The following OSBPL1A variants were observed in gnomAD, a reference collection of about 807,000 sequenced individuals.
The protein encoded by OSBPL1A is oxysterol binding protein like 1A, also known as oxysterol-binding protein-related protein 1.
In OSBPL1A, 80 loss-of-function variants were observed where a neutral mutation model predicts 137.1. That is an observed-to-expected ratio of 0.58 (90% CI 0.49 to 0.70). The LOEUF (loss-of-function observed/expected upper bound fraction) is 0.70, where lower values mean the gene tolerates loss of function less well. Among genes scored for constraint, OSBPL1A ranks in the 30% least tolerant of loss-of-function variants. The pLI is 0.00. For synonymous variants in OSBPL1A, 365 were observed against 389.7 expected, an observed-to-expected ratio of 0.94 and a Z score of 0.75; for missense variants, 970 against 1,129.4, an observed-to-expected ratio of 0.86 and a Z score of 2.02.
At chr18:24,217,550 C>A (rs2087746973) in intron 17 of OSBPL1A, among the ~76,000 whole-genome samples, 1 of 152,116 alleles carries the variant, frequency 6.6e-6, no homozygotes, top group African/African-American at 2.4e-5. Flanking sequence ...AACCTCTGCA[C>A]CCTGTCAGAA....
intron 14 of OSBPL1A, among the ~76,000 whole-genome samples, chr18:24,286,257 T>C (rs1482675756): frequency 6.6e-6 from 1 of 152,214 alleles, no homozygotes; most frequent in African/African-American, 2.4e-5. Context: ...AAAAAATGTT[T>C]GCACATAAAA....
intron 7 of OSBPL1A, among the ~76,000 whole-genome samples, chr18:24,326,246 C>A (rs2090977362): frequency 6.6e-6 from 1 of 152,190 alleles, no homozygotes; most frequent in South Asian, 2.1e-4. Flanking sequence ...GTTGATGCTT[C>A]ATAAAAGTGG....
At chr18:24,319,300 T>C (rs1482488753) in intron 7 of OSBPL1A, among the ~76,000 whole-genome samples, 1 of 152,176 alleles carries the variant, frequency 6.6e-6, no homozygotes, top group Non-Finnish European at 1.5e-5. Context: ...TCTCTCTCTA[T>C]AGCCCTCCCT....
At chr18:24,344,876 C>T (rs2091320348) in intron 4 of OSBPL1A, among the ~76,000 whole-genome samples, 3 of 152,120 alleles carry the variant, frequency 2.0e-5, no homozygotes, top group African/African-American at 7.2e-5. Flanking sequence ...TGCAGTGGCA[C>T]TACCTCGGCT....
intron 15 of OSBPL1A, among the ~76,000 whole-genome samples, chr18:24,242,570 C>CCA (rs763900050): frequency 2.4e-4 from 36 of 152,096 alleles, no homozygotes; most frequent in Non-Finnish European, 4.6e-4. Context: ...TGAGTTCCTG[C>CCA]CAGCTGCACA....
intron 18 of OSBPL1A, among the ~76,000 whole-genome samples, chr18:24,189,217 G>A (rs1261556558): frequency 1.3e-5 from 2 of 152,208 alleles, no homozygotes; most frequent in African/African-American, 4.8e-5. Flanking sequence ...GAGCACTAGA[G>A]AAACCTGAGA....
chr18:24,291,042 A>G (rs1599623021), intron 14 of OSBPL1A, among the ~76,000 whole-genome samples: 1 of 152,112 alleles, frequency 6.6e-6, no homozygotes, highest in East Asian at 1.9e-4. Context: ...CTATATGGAC[A>G]CCTCCAAACC....
intron 15 of OSBPL1A, among the ~76,000 whole-genome samples, chr18:24,249,440 C>A (rs938565827): frequency 6.6e-6 from 1 of 152,194 alleles, no homozygotes; most frequent in African/African-American, 2.4e-5. Flanking sequence ...CAGAAAAGCA[C>A]CATCACAAGA....
rs376611648 is a variant in OSBPL1A at position 24,280,852 on chromosome 18, T to C, written c.1271A>G (p.Lys424Arg). The C allele has an allele frequency of 3.1e-6, 5 of 1,587,542 alleles. No individual in the cohort carries two copies. The highest frequency in any genetic ancestry group is 1.8e-5 in the Admixed American group (1 of 54,140). The part of the protein sequence containing the change: ...ALTDCLNLFT[K>R]QEGVRNFKLE... ...TTCTGAACTACCTACCCCTTCTTGT[T>C]TGGTGAAGAGATTAAGGCAATCAGT... Residue 424 changes from lysine to arginine, a missense_variant, in exon 15 of 28, where the codon AAA becomes AGA. By Grantham distance (26) the Lys-to-Arg change is conservative. Around this residue, in one of 2 missense-constraint regions of OSBPL1A, gnomAD observed 647 missense variants for 672.6 expected, o/e 0.96. Transcript: ENST00000319481.
At chr18:24,177,501 T>C (rs1266248471) in intron 21 of OSBPL1A, among the ~76,000 whole-genome samples, 1 of 152,186 alleles carries the variant, frequency 6.6e-6, no homozygotes, top group Non-Finnish European at 1.5e-5. Context: ...TTGTCTTCTG[T>C]CCGGGGTATC....
At chr18:24,216,987 C>T (rs534414859) in intron 17 of OSBPL1A, among the ~76,000 whole-genome samples, 2 of 152,166 alleles carry the variant, frequency 1.3e-5, no homozygotes, top group South Asian at 2.1e-4. Flanking sequence ...GAAAGCAAGG[C>T]AGCTATCAAA....
intron 7 of OSBPL1A, among the ~76,000 whole-genome samples, chr18:24,323,185 A>T (rs889813406): frequency 6.6e-6 from 1 of 152,126 alleles, no homozygotes; most frequent in Non-Finnish European, 1.5e-5. Context: ...AAAGTGCAAT[A>T]CTATCTTAAA....
At chr18:24,217,361 G>A (rs1277344700) in intron 17 of OSBPL1A, among the ~76,000 whole-genome samples, 1 of 150,684 alleles carries the variant, frequency 6.6e-6, no homozygotes, top group Non-Finnish European at 1.5e-5. Flanking sequence ...GAGTTTAAGC[G>A]ATTCTCCTGC....
intron 4 of OSBPL1A, 60 bp downstream of exon 4, chr18:24,366,832 A>C: frequency 6.6e-7 from 1 of 1,513,556 alleles, no homozygotes; most frequent in Non-Finnish European, 9.1e-7. Flanking sequence ...CAGAGAAAAC[A>C]ATGGTAACTA....
chr18:24,214,234 C>T (rs2087629019), intron 17 of OSBPL1A, among the ~76,000 whole-genome samples: 1 of 147,702 alleles, frequency 6.8e-6, no homozygotes, highest in Admixed American at 6.7e-5. Context: ...AGATCACGGT[C>T]GTTAGGACCT....
At chr18:24,343,445 C>T (rs145404853) in intron 4 of OSBPL1A, among the ~76,000 whole-genome samples, 13 of 152,164 alleles carry the variant, frequency 8.5e-5, no homozygotes, top group South Asian at 4.1e-4. Context: ...CAAATACTAA[C>T]GACATTTTTA....
chr18:24,332,091 A>G (rs549738395), intron 7 of OSBPL1A, among the ~76,000 whole-genome samples: 5 of 152,132 alleles, frequency 3.3e-5, no homozygotes, highest in Non-Finnish European at 7.4e-5. Flanking sequence ...AATGGCCCCA[A>G]GCGGCCAGGC....
At chr18:24,301,513 A>G (rs917197188) in intron 14 of OSBPL1A, among the ~76,000 whole-genome samples, 1 of 151,756 alleles carries the variant, frequency 6.6e-6, no homozygotes, top group African/African-American at 2.4e-5. Context: ...AAATCTCCCT[A>G]CTTTTTGGTA....
At chr18:24,298,879 T>C (rs1240062135) in intron 14 of OSBPL1A, among the ~76,000 whole-genome samples, 2 of 152,228 alleles carry the variant, frequency 1.3e-5, no homozygotes, top group Non-Finnish European at 2.9e-5. Context: ...TTCTTAGGTC[T>C]AGTAGTAATT....
Sources: gnomAD v4.1 joint callset for allele counts (sites outside exome capture counted in the v4.1 genomes callset) on GRCh38, gnomAD v4.1.1 for gene constraint, gnomAD v4.1.1 regional missense constraint, MANE v1.5 for transcripts, NCBI Gene and HGNC (gene_info 2026-07-23, HGNC 2026-07-21) for gene names.